TBC1D32: variants seen among roughly 807,000 people sequenced by gnomAD.
TBC1D32 encodes the protein TBC1 domain family member 32, also known as protein broad-minded.
Under a neutral mutation model 170.3 loss-of-function variants are expected in TBC1D32, and 151 were observed. The observed-to-expected ratio is 0.89, with a 90% CI of 0.78 to 1.01. The LOEUF (loss-of-function observed/expected upper bound fraction) is 1.01. TBC1D32 is among the 50% of genes least tolerant of loss of function. TBC1D32 has a pLI of 0.00. For missense variants in TBC1D32, 1,464 were observed against 1,457.1 expected (o/e 1.00, Z -0.08); for synonymous variants, 498 against 488.0 (o/e 1.02, Z -0.27).
intron 20 of TBC1D32, among the ~76,000 whole-genome samples, chr6:121,230,128 C>A (rs1300305340): frequency 1.3e-5 from 2 of 152,080 alleles, no homozygotes; most frequent in Non-Finnish European, 1.5e-5. Context: ...TGGACCAAAA[C>A]AAGTTCATAC....
At chr6:121,138,069 C>T (rs1321045780) in intron 24 of TBC1D32, among the ~76,000 whole-genome samples, 1 of 152,090 alleles carries the variant, frequency 6.6e-6, no homozygotes, top group African/African-American at 2.4e-5. Flanking sequence ...CAGCATTTCA[C>T]TTTACTCTTA....
At chr6:121,220,698 T>C (rs1583275382) in intron 21 of TBC1D32, among the ~76,000 whole-genome samples, 1 of 148,588 alleles carries the variant, frequency 6.7e-6, no homozygotes, top group East Asian at 2.0e-4. Flanking sequence ...TGGAGTGTAG[T>C]GGCATGATCC....
Position 121,308,012 on chromosome 6 carries a change from C to T in TBC1D32, c.654G>A (p.Leu218=), listed in dbSNP as rs1348890683. The change falls in exon 5 of 32, where the codon CTG becomes CTA. Residue 218 remains leucine (L), a synonymous_variant. Coordinates refer to ENST00000398212, the MANE Select transcript of TBC1D32 (RefSeq NM_152730.6). The part of the protein sequence containing the change: ...CENWTTLCEK[L]TVSLSDPDPV... ...GATCAGGATCTGAAAGAGACACGGT[C>T]AGTTTTTCGCAGAGAGTAGTCCAAT... The T allele has an allele frequency of 6.2e-7, 1 of 1,613,752 alleles. No individual in the cohort carries two copies. The highest frequency in any genetic ancestry group is 1.3e-5 in the African/African-American group (1 of 75,040).
chr6:121,130,441 C>T (rs1368498079), intron 25 of TBC1D32, among the ~76,000 whole-genome samples: 1 of 152,118 alleles, frequency 6.6e-6, no homozygotes, highest in African/African-American at 2.4e-5. Flanking sequence ...AAGATCGCAC[C>T]ATGGCACTCC....
chr6:121,232,489 T>C lies in TBC1D32; in HGVS notation c.2364+6581A>G, dbSNP rs147282493. ...TGGTGGTATTTTGATAGGAATTGCA[T>C]TGAATCTGTAAATTGCTTTGGGAAG... On this transcript the variant is annotated intron_variant, in intron 20 of 31. Coordinates refer to ENST00000398212, the MANE Select transcript of TBC1D32 (RefSeq NM_152730.6). 2.0e-3 allele frequency among the ~76,000 whole-genome samples: 302 copies of C among 152,264 alleles called. 2 individuals are homozygous for C. The highest frequency in any genetic ancestry group is 6.9e-3 in the African/African-American group (286 of 41,552).
At chr6:121,268,510 CAG>C (rs1433636266) in intron 15 of TBC1D32, among the ~76,000 whole-genome samples, 1 of 152,044 alleles carries the variant, frequency 6.6e-6, no homozygotes, top group Non-Finnish European at 1.5e-5. Context: ...GAAAGGGTAA[CAG>C]TGAATGAAGA....
chr6:121,134,464 T>C (rs1323887041), intron 24 of TBC1D32, among the ~76,000 whole-genome samples: 1 of 152,114 alleles, frequency 6.6e-6, no homozygotes, highest in Non-Finnish European at 1.5e-5. Flanking sequence ...AGATGTGGTA[T>C]GCGCCTGAAT....
chr6:121,104,440 C>T (rs1169658792), intron 30 of TBC1D32, among the ~76,000 whole-genome samples: 3 of 151,510 alleles, frequency 2.0e-5, no homozygotes, highest in African/African-American at 4.8e-5. Context: ...CTCTACTTAA[C>T]GATAACATGC....
At chr6:121,236,424 T>C (rs1206344107) in intron 20 of TBC1D32, among the ~76,000 whole-genome samples, 1 of 152,174 alleles carries the variant, frequency 6.6e-6, no homozygotes, top group East Asian at 1.9e-4. Flanking sequence ...GGATGGGGAC[T>C]AGAATGGACA....
At chr6:121,158,376 T>C (rs1281498807) in intron 24 of TBC1D32, among the ~76,000 whole-genome samples, 3 of 152,114 alleles carry the variant, frequency 2.0e-5, no homozygotes, top group African/African-American at 7.2e-5. Context: ...TTTCTTGAAA[T>C]GGTTATTTTT....
chr6:121,295,718 G>C (rs1805528767), intron 10 of TBC1D32, among the ~76,000 whole-genome samples: 1 of 151,966 alleles, frequency 6.6e-6, no homozygotes. Context: ...CTTTAGATAG[G>C]AAAAAAATAA....
chr6:121,245,159 C>A (rs762675378), intron 17 of TBC1D32, among the ~76,000 whole-genome samples: 1 of 152,188 alleles, frequency 6.6e-6, no homozygotes, highest in Non-Finnish European at 1.5e-5. Context: ...ACAATTATAA[C>A]CCACCTTCAA....
chr6:121,197,085 C>T (rs933148709), intron 22 of TBC1D32, among the ~76,000 whole-genome samples: 2 of 152,142 alleles, frequency 1.3e-5, no homozygotes, highest in Non-Finnish European at 1.5e-5. Context: ...ACATTTAAGT[C>T]AACAGACTAA....
intron 12 of TBC1D32, among the ~76,000 whole-genome samples, chr6:121,288,738 G>A (rs1313454490): frequency 3.3e-5 from 5 of 151,836 alleles, no homozygotes; most frequent in African/African-American, 4.8e-5. Flanking sequence ...CATGAACATC[G>A]ATGCAAAAAT....
At chr6:121,309,702 AT>A (rs1378008224) in intron 4 of TBC1D32, among the ~76,000 whole-genome samples, 1 of 152,222 alleles carries the variant, frequency 6.6e-6, no homozygotes, top group Non-Finnish European at 1.5e-5. Flanking sequence ...CTCTTAAAAT[AT>A]AAACAGACAC....
At position 121,081,185 on chromosome 6, in the gene TBC1D32, C is replaced by T. The variant is rs186051228; in HGVS notation, c.3655-295G>A. ...ATCTTTCTAATTTTAAATATAGTAT[C>T]ATGTTATACAATGATTGTTCAAATT... is the stretch of plus-strand genomic sequence containing the variant. On this transcript the variant is annotated intron_variant, in intron 31 of 31. Transcript: ENST00000398212. Among the ~76,000 whole-genome samples the T allele has an allele frequency of 3.2e-3, 481 of 152,210 alleles. 6 individuals carry two copies. The highest frequency in any genetic ancestry group is 0.011 in the African/African-American group (466 of 41,524).
chr6:121,309,506 CATTT>C (rs2128486168), intron 4 of TBC1D32, among the ~76,000 whole-genome samples: 1 of 152,026 alleles, frequency 6.6e-6, no homozygotes, highest in East Asian at 1.9e-4. Context: ...CACAACTATT[CATTT>C]AGTTTAAATT....
At chr6:121,288,558 G>A (rs769866979) in intron 12 of TBC1D32, among the ~76,000 whole-genome samples, 7 of 152,028 alleles carry the variant, frequency 4.6e-5, no homozygotes, top group Non-Finnish European at 1.0e-4. Flanking sequence ...ATTCACAGCC[G>A]AATTCTACCA....
intron 15 of TBC1D32, among the ~76,000 whole-genome samples, chr6:121,275,784 A>G (rs1477983812): frequency 6.6e-6 from 1 of 152,156 alleles, no homozygotes; most frequent in Non-Finnish European, 1.5e-5. Context: ...AAAGACTAGC[A>G]ATATAAAGCA....
Sources: gnomAD v4.1 joint callset for allele counts (sites outside exome capture counted in the v4.1 genomes callset) on GRCh38, gnomAD v4.1.1 for gene constraint, MANE v1.5 for transcripts, NCBI Gene and HGNC (gene_info 2026-07-23, HGNC 2026-07-21) for gene names.